TXLNB: variants seen among roughly 807,000 people sequenced by gnomAD.
TXLNB encodes the protein beta-taxilin.
TXLNB carries 37 observed loss-of-function variants against 57.4 expected under a neutral mutation model. The ratio of observed to expected loss-of-function variants is 0.64; its 90% confidence interval spans 0.50 to 0.85. The LOEUF (loss-of-function observed/expected upper bound fraction) is 0.85. Among genes scored for constraint, TXLNB ranks in the 40% least tolerant of loss-of-function variants. The probability of loss-of-function intolerance (pLI) is 0.00; values close to 1 mark genes in which losing one functional copy is unlikely to be tolerated. For missense variants in TXLNB, 848 were observed against 825.6 expected, an observed-to-expected ratio of 1.03 and a Z score of -0.33; for synonymous variants, 302 against 309.6, an observed-to-expected ratio of 0.98 and a Z score of 0.26.
chr6:139,267,080 A>C (rs1776635471), intron 4 of TXLNB, among the ~76,000 whole-genome samples: 1 of 152,072 alleles, frequency 6.6e-6, no homozygotes, highest in Non-Finnish European at 1.5e-5. Flanking sequence ...AAGGCAACTA[A>C]GAGAATTGAT....
In TXLNB at chr6:139,241,810, T is replaced by C. The variant is rs1582985416; in HGVS notation, c.*716A>G. 1 of 152,224 alleles carries C rather than the reference T, an allele frequency of 6.6e-6. No individual in the cohort carries two copies. The highest frequency in any genetic ancestry group is 6.5e-5 in the Admixed American group (1 of 15,280). The allele number at this position is 152,224 out of a possible 1,614,324, so 9.4% of individuals were successfully genotyped here. ...TACTTATTTTTGCCCAACATAATGA[T>C]AGCCTAAATACTTATAGTCCGAACT... On this transcript the variant is annotated 3_prime_UTR_variant, in exon 10 of 10. Coordinates refer to ENST00000358430, the MANE Select transcript of TXLNB (RefSeq NM_153235.4).
chr6:139,212,909 G>A, the TXLNB span, among the ~76,000 whole-genome samples: 14 of 152,058 alleles, frequency 9.2e-5, no homozygotes, highest in Admixed American at 2.0e-4. Context: ...TAAAGGGATC[G>A]ATTCAACAAG....
chr6:139,211,419 C>A, the TXLNB span, among the ~76,000 whole-genome samples: 1 of 152,170 alleles, frequency 6.6e-6, no homozygotes, highest in Non-Finnish European at 1.5e-5. Context: ...AGCTGAGGAT[C>A]CTGACTGTTA....
chr6:139,203,951 C>T, the TXLNB span, among the ~76,000 whole-genome samples: 3 of 152,150 alleles, frequency 2.0e-5, no homozygotes, highest in Non-Finnish European at 4.4e-5. Context: ...CTATTTAAAG[C>T]CTTGGTTTAG....
At chr6:139,205,640 A>G in the TXLNB span, among the ~76,000 whole-genome samples, 1 of 152,104 alleles carries the variant, frequency 6.6e-6, no homozygotes, top group Non-Finnish European at 1.5e-5. Context: ...AAGAAAAAAG[A>G]AAAGAAAAAA....
the TXLNB span, among the ~76,000 whole-genome samples, chr6:139,303,260 T>C: frequency 1.3e-5 from 2 of 152,148 alleles, no homozygotes; most frequent in South Asian, 4.1e-4. Flanking sequence ...TTCCATGTAA[T>C]GTTACTCGCT....
the TXLNB span, among the ~76,000 whole-genome samples, chr6:139,196,868 T>A: frequency 6.6e-6 from 1 of 152,202 alleles, no homozygotes; most frequent in African/African-American, 2.4e-5. Context: ...ATAAATGAAT[T>A]CAAGCCATGT....
At chr6:139,280,265 A>AG (rs1217152889) in intron 2 of TXLNB, among the ~76,000 whole-genome samples, 7 of 149,348 alleles carry the variant, frequency 4.7e-5, no homozygotes, top group South Asian at 4.2e-4. Context: ...AAAAAAAAAA[A>AG]AAAAAAAAAA....
intron 3 of TXLNB, among the ~76,000 whole-genome samples, chr6:139,271,174 A>C (rs1470748773): frequency 6.6e-6 from 1 of 152,184 alleles, no homozygotes; most frequent in Non-Finnish European, 1.5e-5. Context: ...ATGTGTGGGA[A>C]AGGAGAAGAG....
chr6:139,275,333 A>C (rs927568356), intron 3 of TXLNB, among the ~76,000 whole-genome samples: 10 of 152,236 alleles, frequency 6.6e-5, no homozygotes, highest in African/African-American at 2.2e-4. Context: ...ACTATATATT[A>C]TATGGAAAAA....
intron 1 of TXLNB, among the ~76,000 whole-genome samples, chr6:139,290,896 T>A (rs113157562): frequency 6.6e-6 from 1 of 152,216 alleles, no homozygotes; most frequent in African/African-American, 2.4e-5. Context: ...TAGATGTCAA[T>A]TGAATGCTCA....
intron 2 of TXLNB, among the ~76,000 whole-genome samples, chr6:139,281,234 A>G (rs1366470716): frequency 1.3e-5 from 2 of 152,162 alleles, no homozygotes; most frequent in East Asian, 3.8e-4. Flanking sequence ...TTTAGATAAC[A>G]ATGAAAACAA....
At chr6:139,262,826 C>A in intron 4 of TXLNB, 53 bp from the exon 5 acceptor site, 1 of 1,572,622 alleles carries the variant, frequency 6.4e-7, no homozygotes. Context: ...GTTTATAGAA[C>A]TCAGCATTAG....
At chr6:139,182,418 G>A in the TXLNB span, among the ~76,000 whole-genome samples, 1 of 152,150 alleles carries the variant, frequency 6.6e-6, no homozygotes, top group East Asian at 1.9e-4. Context: ...AAGTTAAATG[G>A]TGATTGGTAA....
chr6:139,229,171 A>G, the TXLNB span, among the ~76,000 whole-genome samples: 4 of 152,188 alleles, frequency 2.6e-5, no homozygotes, highest in South Asian at 8.3e-4. Flanking sequence ...AAGAACTCCT[A>G]CAAATGTACG....
intron 2 of TXLNB, among the ~76,000 whole-genome samples, chr6:139,277,981 T>C (rs1371228866): frequency 6.6e-6 from 1 of 152,218 alleles, no homozygotes; most frequent in Non-Finnish European, 1.5e-5. Flanking sequence ...AGATGAAATA[T>C]AGGACATGGG....
chr6:139,186,312 A>G, the TXLNB span, among the ~76,000 whole-genome samples: 1 of 152,228 alleles, frequency 6.6e-6, no homozygotes, highest in African/African-American at 2.4e-5. Context: ...AGACTGGAAG[A>G]AAAGGATTTG....
chr6:139,285,103 G>A (rs1163376373), intron 2 of TXLNB, among the ~76,000 whole-genome samples: 2 of 145,046 alleles, frequency 1.4e-5, no homozygotes, highest in Admixed American at 6.8e-5. Context: ...CGTAAATAGC[G>A]GCAGAATTAG....
chr6:139,173,477 A>G, the TXLNB span, among the ~76,000 whole-genome samples: 1 of 152,184 alleles, frequency 6.6e-6, no homozygotes, highest in Non-Finnish European at 1.5e-5. Flanking sequence ...GATCCTTACT[A>G]CTGAGTGCTG....
Sources: allele counts gnomAD v4.1 joint callset (sites outside exome capture counted in the v4.1 genomes callset), GRCh38; gene constraint gnomAD v4.1.1; transcripts MANE v1.5; gene names NCBI Gene and HGNC (gene_info 2026-07-23, HGNC 2026-07-21).